BIN3: variants seen among roughly 807,000 people sequenced by gnomAD.
BIN3 encodes bridging integrator 3.
Under a neutral mutation model 38.2 loss-of-function variants are expected in BIN3, and 41 were observed. The observed-to-expected ratio is 1.07, with a 90% confidence interval of 0.84 to 1.39. BIN3 has a LOEUF of 1.39. BIN3 is among the 40% of genes most tolerant of loss of function. The pLI, the probability that BIN3 is intolerant of heterozygous loss-of-function variation, is 0.00. For synonymous variants in BIN3, 145 were observed against 122.6 expected, an observed-to-expected ratio of 1.18 and a Z score of -1.21; for missense variants, 361 against 324.3, an observed-to-expected ratio of 1.11 and a Z score of -0.87.
chr8:22,654,507 C>A (rs909420915), intron 1 of BIN3, among the ~76,000 whole-genome samples: 2 of 151,870 alleles, frequency 1.3e-5, no homozygotes, highest in African/African-American at 4.9e-5. Flanking sequence ...TCCTCCAGCC[C>A]TGGCAACCAT....
intron 4 of BIN3, among the ~76,000 whole-genome samples, chr8:22,634,820 C>CA (rs1015881915): frequency 1.3e-5 from 2 of 152,062 alleles, no homozygotes; most frequent in African/African-American, 4.8e-5. Context: ...ATGAGTGGGG[C>CA]ATGGGGAGGC....
At chr8:22,665,450 G>A (rs772251539) in intron 1 of BIN3, among the ~76,000 whole-genome samples, 3 of 152,182 alleles carry the variant, frequency 2.0e-5, no homozygotes, top group Non-Finnish European at 4.4e-5. Flanking sequence ...ACCAGCCAGC[G>A]GAGTACAGAT....
At chr8:22,665,863 G>T (rs79366361) in intron 1 of BIN3, among the ~76,000 whole-genome samples, 2,792 of 152,274 alleles carry the variant, frequency 0.018, 83 homozygotes, top group African/African-American at 0.062. Context: ...AGAAGACCCC[G>T]GAAGAGTCAG....
chr8:22,626,702 C>T (rs1369466056), intron 6 of BIN3, among the ~76,000 whole-genome samples: 2 of 152,170 alleles, frequency 1.3e-5, no homozygotes, highest in African/African-American at 4.8e-5. Flanking sequence ...ACCCTGAGCT[C>T]ACATCCTCAG....
At position 22,630,703 on chromosome 8, in the gene BIN3, G is replaced by A. The variant is rs180986552; in HGVS notation, c.161-125C>T. 88 of 1,101,610 alleles carry A rather than the reference G, an allele frequency of 8.0e-5. 3 individuals are homozygous for A. In the Admixed American group the frequency reaches 1.4e-3, roughly 18 times the overall value. The allele number at this position is 1,101,610 out of a possible 1,614,324, so 68.2% of individuals were successfully genotyped here. On this transcript the variant is annotated intron_variant, in intron 4 of 8. Coordinates refer to ENST00000276416, the MANE Select transcript of BIN3 (RefSeq NM_018688.6). ...AAGACCTCTTCCCACAGCCACGGCC[G>A]TCAAGAACGGCGAAGTACCACACAA... is the stretch of plus-strand genomic sequence containing the variant.
At chr8:22,652,801 A>C (rs1396334726) in intron 1 of BIN3, among the ~76,000 whole-genome samples, 1 of 152,224 alleles carries the variant, frequency 6.6e-6, no homozygotes, top group Non-Finnish European at 1.5e-5. Context: ...ATTTTTATGA[A>C]TCATCTGCCT....
chr8:22,629,569 C>G (rs1802114849), intron 6 of BIN3: 1 of 228,664 alleles, frequency 4.4e-6, no homozygotes, highest in Admixed American at 4.9e-5. Context: ...GCTGCTCTCC[C>G]AAGCTGGCGG....
intron 1 of BIN3, among the ~76,000 whole-genome samples, chr8:22,668,679 C>T (rs1803508265): frequency 6.6e-6 from 1 of 152,192 alleles, no homozygotes; most frequent in African/African-American, 2.4e-5. Flanking sequence ...GGGACTGGCG[C>T]GGGGCAGAGA....
chr8:22,629,587 T>C (rs1802115820), intron 6 of BIN3: 1 of 252,932 alleles, frequency 4.0e-6, no homozygotes, highest in Admixed American at 4.7e-5. Flanking sequence ...CGGGGCAAGA[T>C]GAAAGGCCTT....
chr8:22,656,120 A>G (rs1350122947), intron 1 of BIN3, among the ~76,000 whole-genome samples: 1 of 151,890 alleles, frequency 6.6e-6, no homozygotes, highest in Non-Finnish European at 1.5e-5. Flanking sequence ...GAAGTGCAAT[A>G]TATTTATAGA....
At chr8:22,630,038 G>T (rs1220026215) in intron 5 of BIN3, 34 bp from the exon 6 acceptor site, 14 of 1,592,612 alleles carry the variant, frequency 8.8e-6, no homozygotes, top group Non-Finnish European at 1.2e-5. Flanking sequence ...ATTAAAACTG[G>T]TGGGGAGGGG....
intron 1 of BIN3, among the ~76,000 whole-genome samples, chr8:22,653,808 T>G (rs1419605748): frequency 1.3e-5 from 2 of 152,284 alleles, no homozygotes; most frequent in East Asian, 3.9e-4. Flanking sequence ...TCCATTTAAG[T>G]TGGGACCCTG....
chr8:22,624,437 AG>A, intron 6 of BIN3, 74 bp from the exon 7 acceptor site: 2 of 1,553,792 alleles, frequency 1.3e-6, no homozygotes, highest in Non-Finnish European at 1.7e-6. Flanking sequence ...CTGCTCTTGG[AG>A]GGGTGGCCTG....
intron 2 of BIN3, among the ~76,000 whole-genome samples, chr8:22,642,246 G>A (rs750757999): frequency 2.0e-5 from 3 of 147,290 alleles, no homozygotes; most frequent in Admixed American, 7.1e-5. Context: ...AAGTGCCTGG[G>A]CAAGAACAAC....
intron 1 of BIN3, among the ~76,000 whole-genome samples, chr8:22,662,274 C>T (rs1366711381): frequency 6.6e-6 from 1 of 152,216 alleles, no homozygotes; most frequent in East Asian, 1.9e-4. Flanking sequence ...CCAATATACA[C>T]CCCCTCCTGC....
chr8:22,623,292 C>T (rs890159643), intron 8 of BIN3, among the ~76,000 whole-genome samples: 4 of 152,194 alleles, frequency 2.6e-5, no homozygotes, highest in Admixed American at 2.0e-4. Flanking sequence ...GCATGCCACT[C>T]CGTGTCCTCC....
chr8:22,662,726 C>T (rs1447415382), intron 1 of BIN3, among the ~76,000 whole-genome samples: 2 of 152,082 alleles, frequency 1.3e-5, no homozygotes, highest in Non-Finnish European at 2.9e-5. Context: ...TAAACTGCTA[C>T]ACAGTCTTCC....
At chr8:22,657,236 A>G (rs1803085628) in intron 1 of BIN3, among the ~76,000 whole-genome samples, 1 of 152,252 alleles carries the variant, frequency 6.6e-6, no homozygotes, top group Non-Finnish European at 1.5e-5. Context: ...GGGCCTGTAA[A>G]ATAACATGCT....
rs1221155193 is a variant in BIN3, at chr8:22,625,517, C to T, written c.339-1154G>A. ...TCAGAGTTGAGAGGATGCTGGCAGA[C>T]TCACTGTCAGGTTCCAGGAGCTCAG... On this transcript the variant is annotated intron_variant, in intron 6 of 8. Transcript: ENST00000276416. 5 of 667,258 alleles carry T rather than the reference C, an allele frequency of 7.5e-6. No homozygotes were observed. In the Admixed American group the frequency reaches 1.0e-4, roughly 14 times the overall value. 41.3% of individuals were successfully genotyped at this position (667,258 alleles called of 1,614,324 possible).
Sources: gnomAD v4.1 joint callset for allele counts (sites outside exome capture counted in the v4.1 genomes callset) on GRCh38, gnomAD v4.1.1 for gene constraint, MANE v1.5 for transcripts, NCBI Gene and HGNC (gene_info 2026-07-23, HGNC 2026-07-21) for gene names.